NFIB: variants seen among roughly 807,000 people sequenced by gnomAD.
NFIB encodes the protein nuclear factor I B, also known as nuclear factor 1 B-type.
In NFIB, 11 loss-of-function variants were observed where a neutral mutation model predicts 61.5. The observed-to-expected ratio is 0.18, with a 90% CI of 0.11 to 0.30. The LOEUF (loss-of-function observed/expected upper bound fraction) is 0.30, where lower values mean the gene tolerates loss of function less well. Among genes scored for constraint, NFIB ranks in the 10% least tolerant of loss-of-function variants. The pLI is 1.00. For synonymous variants in NFIB, 260 were observed against 216.5 expected (o/e 1.20, Z -1.76); for missense variants, 471 against 608.9 (o/e 0.77, Z 2.38).
chr9:14,331,715 G>A (rs542734204), intron 1 of NFIB, among the ~76,000 whole-genome samples: 27 of 152,312 alleles, frequency 1.8e-4, no homozygotes, highest in African/African-American at 6.5e-4. Flanking sequence ...CCACGCAAAG[G>A]CTATGTGACT....
At chr9:14,327,936 A>G (rs1428088580) in intron 1 of NFIB, among the ~76,000 whole-genome samples, 1 of 152,224 alleles carries the variant, frequency 6.6e-6, no homozygotes. Context: ...ACAGAAGAAG[A>G]GAGAAGGGAG....
intron 7 of NFIB, among the ~76,000 whole-genome samples, chr9:14,123,719 T>C (rs2039248151): frequency 6.6e-6 from 1 of 151,976 alleles, no homozygotes; most frequent in African/African-American, 2.4e-5. Context: ...GCCCCTTTTC[T>C]TCCTAGTTTG....
At chr9:14,186,724 C>T (rs1359219469) in intron 2 of NFIB, among the ~76,000 whole-genome samples, 4 of 151,882 alleles carry the variant, frequency 2.6e-5, no homozygotes, top group African/African-American at 4.8e-5. Flanking sequence ...TTACAGAACA[C>T]TAGCTTTCCA....
At chr9:14,109,408 C>T (rs1025110497) in intron 10 of NFIB, among the ~76,000 whole-genome samples, 25 of 151,560 alleles carry the variant, frequency 1.6e-4, no homozygotes, top group Admixed American at 3.9e-4. Flanking sequence ...TAAGTCGGGG[C>T]GGGGGGGTGT....
At chr9:14,341,053 C>T (rs2060943722) in intron 1 of NFIB, among the ~76,000 whole-genome samples, 1 of 152,156 alleles carries the variant, frequency 6.6e-6, no homozygotes, top group South Asian at 2.1e-4. Flanking sequence ...GAATGTAGGT[C>T]AAAGACAAGA....
chr9:14,089,992 G>A (rs535818383), intron 10 of NFIB, among the ~76,000 whole-genome samples: 2 of 152,150 alleles, frequency 1.3e-5, no homozygotes, highest in Admixed American at 6.5e-5. Flanking sequence ...AGCAAAGTCC[G>A]TCTCTAGTAA....
At chr9:14,315,085 G>A (rs1371155499), upstream of NFIB, among the ~76,000 whole-genome samples, 1 of 152,072 alleles carries the variant, frequency 6.6e-6, no homozygotes, top group Non-Finnish European at 1.5e-5. Context: ...AAAAGGGGGA[G>A]GCCGAGCAGG....
the NFIB span, among the ~76,000 whole-genome samples, chr9:14,419,459 G>A: frequency 1.3e-5 from 2 of 152,068 alleles, no homozygotes; most frequent in Admixed American, 6.6e-5. Flanking sequence ...CCACTTCACC[G>A]GCATGTGACC....
rs572761392 is a variant in NFIB at position 14,083,630 on chromosome 9, G to A, written c.*4679C>T. On this transcript the variant is annotated 3_prime_UTR_variant, in exon 11 of 11. Transcript: ENST00000380953. ...TTGGGGCCTATCTGCCAGCAATATT[G>A]TAGAGTTGTTTCATTAAAAATGAAT... The A allele has an allele frequency of 3.5e-5, 8 of 227,490 alleles. No individual in the cohort carries two copies. In the East Asian group the frequency reaches 5.0e-4, roughly 14 times the overall value. The allele number at this position is 227,490 out of a possible 1,614,324, so 14.1% of individuals were successfully genotyped here. A position where few individuals can be genotyped will look rare whatever the true frequency, so the allele number is the denominator to read the frequency against.
At chr9:14,394,268 T>C (rs938177365) in intron 1 of NFIB, among the ~76,000 whole-genome samples, 1 of 152,216 alleles carries the variant, frequency 6.6e-6, no homozygotes, top group Non-Finnish European at 1.5e-5. Context: ...GTTGGACATA[T>C]ATGCTCATAG....
intron 2 of NFIB, among the ~76,000 whole-genome samples, chr9:14,200,937 C>T (rs551733452): frequency 6.6e-6 from 1 of 152,306 alleles, no homozygotes; most frequent in African/African-American, 2.4e-5. Context: ...CGCAACCAAT[C>T]CATATCTCAA....
rs184174591 is a variant in NFIB, at chr9:14,183,065, T to G, written c.563-3285A>C. Among the ~76,000 whole-genome samples the G allele has an allele frequency of 2.5e-3, 382 of 152,230 alleles. 2 individuals are homozygous for G. Among genetic ancestry groups the G allele is most frequent in the African/African-American group, 8.6e-3 (359 of 41,534 alleles). ...ATTAATCATTTTTAATGTGGCTCTA[T>G]GCTTAATAACAACTAACTTTTAGGA... On this transcript the variant is annotated intron_variant, in intron 2 of 10. Transcript: ENST00000380953.
At chr9:14,142,608 C>T (rs2041866146) in intron 6 of NFIB, among the ~76,000 whole-genome samples, 3 of 151,604 alleles carry the variant, frequency 2.0e-5, no homozygotes, top group South Asian at 4.2e-4. Flanking sequence ...AAAAAAAGTA[C>T]ATCAACTAGA....
intron 2 of NFIB, among the ~76,000 whole-genome samples, chr9:14,231,889 G>C (rs1026788708): frequency 6.6e-6 from 1 of 152,038 alleles, no homozygotes; most frequent in Admixed American, 6.5e-5. Flanking sequence ...CAAAAGCAAG[G>C]AGGAAAAAAA....
intron 2 of NFIB, among the ~76,000 whole-genome samples, chr9:14,191,549 A>AT (rs1305452481): frequency 6.6e-6 from 1 of 152,126 alleles, no homozygotes; most frequent in African/African-American, 2.4e-5. Context: ...AATTCCTCCC[A>AT]TTTTGTCTTG....
chr9:14,466,806 G>A, the NFIB span, among the ~76,000 whole-genome samples: 1 of 152,134 alleles, frequency 6.6e-6, no homozygotes, highest in African/African-American at 2.4e-5. Context: ...GAGGAGACTG[G>A]AGACACAGTG....
the NFIB span, among the ~76,000 whole-genome samples, chr9:14,492,144 A>G: frequency 5.9e-5 from 9 of 152,136 alleles, no homozygotes; most frequent in Non-Finnish European, 2.9e-5. Context: ...CGGGTGGATC[A>G]CAAGGTCAGG....
At chr9:14,292,917 C>CA (rs945197275) in intron 2 of NFIB, among the ~76,000 whole-genome samples, 17 of 151,472 alleles carry the variant, frequency 1.1e-4, no homozygotes, top group East Asian at 3.9e-4. Context: ...TCTTAATAAA[C>CA]AAAAAAAATT....
chr9:14,326,416 C>T (rs1184618049), intron 1 of NFIB, among the ~76,000 whole-genome samples: 3 of 152,144 alleles, frequency 2.0e-5, no homozygotes, highest in Non-Finnish European at 2.9e-5. Flanking sequence ...ATTTTCTAAC[C>T]ATTGAGAGTA....
Sources: allele counts gnomAD v4.1 joint callset (sites outside exome capture counted in the v4.1 genomes callset), GRCh38; gene constraint gnomAD v4.1.1; transcripts MANE v1.5; gene names NCBI Gene and HGNC (gene_info 2026-07-23, HGNC 2026-07-21).